Variants in SSX2IP observed in about 807,000 individuals in gnomAD.
SSX2IP encodes the protein afadin- and alpha-actinin-binding protein.
A neutral mutation model predicts 84.9 loss-of-function variants in SSX2IP; 55 were observed. The ratio of observed to expected loss-of-function variants is 0.65; its 90% CI spans 0.52 to 0.81. The LOEUF is 0.81. Ranked by LOEUF, SSX2IP falls within the 30% of genes least tolerant of loss-of-function variation. SSX2IP has a pLI of 0.00. For synonymous variants in SSX2IP, 239 were observed against 234.7 expected (o/e 1.02, Z -0.17); for missense variants, 664 against 705.2 (o/e 0.94, Z 0.66).
At chr1:84,655,411 T>C in intron 11 of SSX2IP, 2 of 1,286,956 alleles carry the variant, frequency 1.6e-6, no homozygotes, top group Non-Finnish European at 2.0e-6. Flanking sequence ...GTAGAGCGTA[T>C]ATATAACAAT....
intron 1 of SSX2IP, among the ~76,000 whole-genome samples, chr1:84,689,462 T>C (rs531955866): frequency 6.6e-6 from 1 of 152,350 alleles, no homozygotes; most frequent in Non-Finnish European, 1.5e-5. Context: ...CTTACACTTC[T>C]AAATCACCTT....
chr1:84,683,445 G>C (rs1349579806), intron 1 of SSX2IP, among the ~76,000 whole-genome samples: 2 of 152,128 alleles, frequency 1.3e-5, no homozygotes, highest in African/African-American at 4.8e-5. Context: ...GAAAAACCTA[G>C]CAAATATATT....
chr1:84,678,007 G>A (rs543643121), intron 1 of SSX2IP, among the ~76,000 whole-genome samples: 37 of 152,206 alleles, frequency 2.4e-4, no homozygotes, highest in African/African-American at 8.2e-4. Flanking sequence ...ACTCATACAA[G>A]TTTTTAAGTA....
chr1:84,678,043 T>C (rs929010004), intron 1 of SSX2IP, among the ~76,000 whole-genome samples: 2 of 152,232 alleles, frequency 1.3e-5, no homozygotes, highest in African/African-American at 4.8e-5. Context: ...CATAAATTTC[T>C]TGAGAAATTT....
In SSX2IP at chr1:84,669,789, C is replaced by T. The variant is rs145980263; in HGVS notation, c.318G>A (p.Leu106=). 1.6e-5 allele frequency: 26 copies of T among 1,613,660 alleles called. No individual in the cohort carries two copies. The highest frequency in any genetic ancestry group is 6.7e-5 in the Admixed American group (4 of 59,982). Residue 106 remains leucine (L), a synonymous_variant, in exon 4 of 14, where the codon CTG becomes CTA. Coordinates refer to ENST00000342203, the MANE Select transcript of SSX2IP (RefSeq NM_001166293.2). ...GAAGGTTCTTCCGCTGAAGCACAAG[C>T]AGCTCATTCATACAATTTAGTACAG... ...IVAVLNCMNE[L]LVLQRKNLLA... is the part of the protein sequence containing the mutation.
intron 1 of SSX2IP, among the ~76,000 whole-genome samples, chr1:84,687,029 C>T (rs375746605): frequency 4.7e-4 from 72 of 152,210 alleles, no homozygotes; most frequent in African/African-American, 1.7e-3. Context: ...TACTCAATTA[C>T]AGCATTTTTA....
At chr1:84,663,284 C>T (rs1170140042) in intron 6 of SSX2IP, among the ~76,000 whole-genome samples, 4 of 152,158 alleles carry the variant, frequency 2.6e-5, no homozygotes, top group Non-Finnish European at 5.9e-5. Flanking sequence ...GACCAGGAAA[C>T]AGCCAGACCG....
At chr1:84,664,679 T>G (rs1466007137) in intron 5 of SSX2IP, 127 bp from the exon 6 acceptor site, 33 of 723,714 alleles carry the variant, frequency 4.6e-5, no homozygotes, top group Non-Finnish European at 6.7e-5. Flanking sequence ...TTGTAACCAG[T>G]AGAAACCACT....
At chr1:84,683,930 A>T (rs1655435777) in intron 1 of SSX2IP, among the ~76,000 whole-genome samples, 1 of 152,214 alleles carries the variant, frequency 6.6e-6, no homozygotes, top group Non-Finnish European at 1.5e-5. Flanking sequence ...ATTAAGAAAC[A>T]AGAAAAAAAA....
At chr1:84,680,800 A>C (rs1654974034) in intron 1 of SSX2IP, among the ~76,000 whole-genome samples, 1 of 152,174 alleles carries the variant, frequency 6.6e-6, no homozygotes, top group Non-Finnish European at 1.5e-5. Flanking sequence ...TCCTTTCTTT[A>C]TGTACTTTCA....
At chr1:84,672,335 T>C (rs1051038832) in intron 1 of SSX2IP, among the ~76,000 whole-genome samples, 1 of 151,930 alleles carries the variant, frequency 6.6e-6, no homozygotes, top group Non-Finnish European at 1.5e-5. Flanking sequence ...GTGTTGATCT[T>C]TGATGTTTTT....
At chr1:84,676,210 A>G (rs1039351927) in intron 1 of SSX2IP, among the ~76,000 whole-genome samples, 34 of 152,334 alleles carry the variant, frequency 2.2e-4, no homozygotes, top group Non-Finnish European at 1.3e-4. Context: ...GTCAGGGAAC[A>G]AACCTGAAAT....
intron 13 of SSX2IP, chr1:84,649,654 CA>C (rs1375524562): frequency 1.3e-5 from 3 of 231,620 alleles, no homozygotes; most frequent in African/African-American, 4.7e-5. Flanking sequence ...AGATTACCAC[CA>C]TACTTTCCAA....
chr1:84,658,228 T>C (rs1557481083), intron 9 of SSX2IP, 90 bp downstream of exon 9: 1 of 1,452,846 alleles, frequency 6.9e-7, no homozygotes, highest in South Asian at 1.3e-5. Context: ...ACTTTAGCTC[T>C]GAGCCTATAA....
intron 1 of SSX2IP, among the ~76,000 whole-genome samples, chr1:84,686,221 A>T (rs962371978): frequency 6.6e-6 from 1 of 152,220 alleles, no homozygotes; most frequent in African/African-American, 2.4e-5. Context: ...CAATACTTTT[A>T]TAATCTGAAA....
At chr1:84,683,758 T>C (rs542650041) in intron 1 of SSX2IP, among the ~76,000 whole-genome samples, 6 of 152,300 alleles carry the variant, frequency 3.9e-5, no homozygotes, top group Non-Finnish European at 5.9e-5. Flanking sequence ...ATGCTGCAAT[T>C]TGGAAGGGCT....
At chr1:84,690,685 C>T (rs1656505404), upstream of SSX2IP, 1 of 152,280 alleles carries the variant, frequency 6.6e-6, no homozygotes, top group South Asian at 2.1e-4. Context: ...TCCAAAAAAA[C>T]CCGGAGAAAA....
At chr1:84,679,404 A>G (rs1311826500) in intron 1 of SSX2IP, among the ~76,000 whole-genome samples, 1 of 152,198 alleles carries the variant, frequency 6.6e-6, no homozygotes, top group African/African-American at 2.4e-5. Flanking sequence ...CATTTTCCAG[A>G]TATTTTCCAC....
chr1:84,652,683 T>A (rs1395147699), intron 11 of SSX2IP, among the ~76,000 whole-genome samples: 1 of 149,662 alleles, frequency 6.7e-6, no homozygotes, highest in Non-Finnish European at 1.5e-5. Flanking sequence ...TGAGCTGAGA[T>A]CGCACCCCTG....
Sources: gnomAD v4.1 joint callset for allele counts (sites outside exome capture counted in the v4.1 genomes callset) on GRCh38, gnomAD v4.1.1 for gene constraint, MANE v1.5 for transcripts, NCBI Gene and HGNC (gene_info 2026-07-23, HGNC 2026-07-21) for gene names.